COL18A1: variants seen among roughly 807,000 people sequenced by gnomAD.
COL18A1 encodes the protein collagen type XVIII alpha 1 chain.
COL18A1 carries 133 observed loss-of-function variants against 168.0 expected under a neutral mutation model. The observed-to-expected ratio is 0.79, with a 90% CI of 0.69 to 0.91. COL18A1 has a LOEUF of 0.91. Among genes scored for constraint, COL18A1 ranks in the 40% least tolerant of loss-of-function variants. The pLI is 0.00. For synonymous variants in COL18A1, 949 were observed against 809.0 expected (o/e 1.17, Z -2.94); for missense variants, 2,126 against 1,925.4 (o/e 1.10, Z -1.95).
intron 15 of COL18A1, among the ~76,000 whole-genome samples, chr21:45,484,872 T>C (rs1263679255): frequency 6.6e-6 from 1 of 152,124 alleles, no homozygotes; most frequent in Non-Finnish European, 1.5e-5. Context: ...TAGATATGCA[T>C]GTATGAAAAT....
At position 45,498,195 on chromosome 21, in the gene COL18A1, C is replaced by T. The variant is rs73907541; in HGVS notation, c.2683+534C>T. 524 of 698,082 alleles carry T rather than the reference C, an allele frequency of 7.5e-4. 3 individuals carry two copies. The African/African-American group carries it at 8.2e-3, about 11-fold the overall frequency. The allele number at this position is 698,082 out of a possible 1,614,324, so 43.2% of individuals were successfully genotyped here. On this transcript the variant is annotated intron_variant, in intron 32 of 41. Coordinates refer to ENST00000651438, the MANE Select transcript of COL18A1 (RefSeq NM_001379500.1). This position sits in a 1 kb window ranked among gnomAD's most constrained non-coding sequence, Gnocchi z 4.5. The stretch of plus-strand genomic sequence containing the variant: ...GTCCTGCCAAGACCACTGAGAACAG[C>T]TGGATAAAATGTGAGAAAACCACTG...
Position 45,490,366 on chromosome 21 carries a change from C to A in COL18A1, c.2031+20C>A, listed in dbSNP as rs1249463314. 5.1e-6 allele frequency: 8 copies of A among 1,557,454 alleles called. No individual in the cohort carries two copies. Among genetic ancestry groups the A allele is most frequent in the East Asian group, 4.7e-5 (2 of 42,108 alleles). On this transcript the variant is annotated intron_variant, in intron 20 of 41. Transcript: ENST00000651438. ...CCCCAGGTGAGTTGCCTTGGTGGGC[C>A]CAGGGTGCAGGGGGGGCGTGGAGCC... is the stretch of plus-strand genomic sequence containing the variant.
At chr21:45,466,502 TGAGCTCTC>T (rs2035219179) in intron 2 of COL18A1, among the ~76,000 whole-genome samples, 1 of 151,896 alleles carries the variant, frequency 6.6e-6, no homozygotes, top group African/African-American at 2.4e-5. Flanking sequence ...CCGGGAAGGC[TGAGCTCTC>T]GAAATGGGGT....
rs543057184 is a variant in COL18A1, at chr21:45,503,693, G to A, written c.2684-318G>A. Among the ~76,000 whole-genome samples the A allele has an allele frequency of 4.4e-4, 66 of 150,802 alleles. No individual in the cohort carries two copies. In the East Asian group the frequency reaches 6.5e-3, roughly 15 times the overall value. ...GGAGATATACCTAATGCTAGATGACGAGTTAGTGGGTGCAGCACACCAGCA... is the reference window on the plus strand; with the variant it reads ...GGAGATATACCTAATGCTAGATGACAAGTTAGTGGGTGCAGCACACCAGCA... On this transcript the variant is annotated intron_variant, in intron 32 of 41. Transcript: ENST00000651438.
intron 4 of COL18A1, 83 bp from the exon 5 acceptor site, chr21:45,475,393 C>T (rs1461526879): frequency 3.1e-5 from 39 of 1,250,212 alleles, no homozygotes; most frequent in Non-Finnish European, 4.1e-5. Flanking sequence ...GCGAGAGCAG[C>T]GTCCTTTGCT....
At chr21:45,493,417 C>T in intron 25 of COL18A1, 84 bp from the exon 26 acceptor site, 6 of 1,384,916 alleles carry the variant, frequency 4.3e-6, no homozygotes, top group Non-Finnish European at 6.0e-6. Flanking sequence ...GGCCCAGTCA[C>T]AGCGGCCCTG....
Position 45,468,713 on chromosome 21 carries a change from G to A in COL18A1, c.578G>A (p.Arg193Gln), listed in dbSNP as rs2236453. ...AGAATGCCGCTTGCTCGGTCCTCAC[G>A]GGGCCTGGAGCTGGAGCCTGGCGCC... is the stretch of plus-strand genomic sequence containing the variant. Reference protein sequence around the residue: ...FQRMPLARSSRGLELEPGAGL... With the variant: ...FQRMPLARSSQGLELEPGAGL... The change falls in exon 3 of 42, where the codon CGG becomes CAG. Residue 193 changes from arginine (R) to glutamine (Q), a missense_variant. Transcript: ENST00000651438. 3.4e-4 allele frequency: 552 copies of A among 1,612,636 alleles called. 5 individuals are homozygous for A. In the East Asian group the frequency reaches 0.011, roughly 33 times the overall value.
intron 38 of COL18A1, 118 bp downstream of exon 38, chr21:45,507,711 C>A: frequency 1.0e-6 from 1 of 957,494 alleles, no homozygotes; most frequent in Non-Finnish European, 1.7e-6. Context: ...GAACATGTGG[C>A]TCACCATCAG....
intron 14 of COL18A1, chr21:45,482,506 G>A: frequency 1.7e-6 from 1 of 593,524 alleles, no homozygotes; most frequent in South Asian, 1.9e-5. Flanking sequence ...TAAGCCTGTG[G>A]CTGAGCTGAA....
chr21:45,450,739 C>T (rs2034602584), intron 2 of COL18A1, among the ~76,000 whole-genome samples: 1 of 152,142 alleles, frequency 6.6e-6, no homozygotes, highest in African/African-American at 2.4e-5. Flanking sequence ...GGTGGGTGGT[C>T]TCCCTCGTCC....
chr21:45,443,118 G>T lies in COL18A1; in HGVS notation c.107-25124G>T, dbSNP rs1359695794. ...TGTGGGCGGCGGTGCTGGTGTGGGC[G>T]GCGGTGCTGGTGTGGGCGGCGGTGC... is the stretch of plus-strand genomic sequence containing the variant. On this transcript the variant is annotated intron_variant, in intron 2 of 41. Coordinates refer to ENST00000651438, the MANE Select transcript of COL18A1 (RefSeq NM_001379500.1). This position sits in a 1 kb window ranked among gnomAD's most constrained non-coding sequence, Gnocchi z 5.2. 1.6e-3 allele frequency among the ~76,000 whole-genome samples: 153 copies of T among 93,986 alleles called. 2 individuals are homozygous for T. Among genetic ancestry groups the T allele is most frequent in the African/African-American group, 5.8e-3 (149 of 25,766 alleles). The allele number at this position is 93,986 out of a possible 152,430, so 61.7% of individuals were successfully genotyped here.
In COL18A1 at chr21:45,512,439, C is replaced by G; in HGVS notation, c.*41C>G. On this transcript the variant is annotated 3_prime_UTR_variant, in exon 42 of 42. Transcript: ENST00000651438. ...GGATGGCCGGAGAGGACCGGCGGCT[C>G]GGAGGAAGCCCCCACCGTGGGCAGG... The G allele has an allele frequency of 6.3e-7, 1 of 1,584,030 alleles. No individual in the cohort carries two copies. Among genetic ancestry groups the G allele is most frequent in the Non-Finnish European group, 8.6e-7 (1 of 1,165,316 alleles).
Position 45,495,372 on chromosome 21 carries a change from G to A in COL18A1, c.2448G>A (p.Met816Ile), listed in dbSNP as rs1357706236. The A allele has an allele frequency of 1.2e-6, 2 of 1,610,690 alleles. No homozygotes were observed. The highest frequency in any genetic ancestry group is 3.3e-5 in the Admixed American group (2 of 59,744). Residue 816 changes from methionine (M) to isoleucine (I), a missense_variant, in exon 29 of 42, where the codon ATG (methionine) becomes ATA (isoleucine). Transcript: ENST00000651438. ...CTCCGCCCCAGGGTCGCCCCGGGATGAACGGATTGAAAGGAGAGAAAGGGG... is the reference window on the plus strand; with the variant it reads ...CTCCGCCCCAGGGTCGCCCCGGGATAAACGGATTGAAAGGAGAGAAAGGGG... ...GFPGRPGRPGMNGLKGEKGEP... is the reference protein window; with the variant it reads ...GFPGRPGRPGINGLKGEKGEP...
chr21:45,467,498 C>T (rs2035255018), intron 2 of COL18A1: 1 of 939,424 alleles, frequency 1.1e-6, no homozygotes, highest in Non-Finnish European at 1.3e-6. Flanking sequence ...TGGGGAGATA[C>T]AGCTTGTCCT....
Position 45,447,202 on chromosome 21 carries a change from TATATATATCATATATC to T in COL18A1, c.107-21019_107-21004del, listed in dbSNP as rs938304573. On this transcript the variant is annotated intron_variant, in intron 2 of 41. Transcript: ENST00000651438. ...ATTTTTAGAGGCCAGATCTTATATATATATATATCATATATCATATATATCATATATCATATGTATA... is the reference window on the plus strand; with the variant it reads ...ATTTTTAGAGGCCAGATCTTATATATATATATATCATATATCATATGTATA... Among the ~76,000 whole-genome samples, 112 of 151,192 alleles carry T rather than the reference TATATATATCATATATC, an allele frequency of 7.4e-4. 1 individual carries two copies. Among genetic ancestry groups the T allele is most frequent in the Non-Finnish European group, 1.2e-3 (79 of 67,850 alleles).
rs1009058257 is a variant in COL18A1, at chr21:45,491,822, G to A, written c.2157+508G>A. On this transcript the variant is annotated intron_variant, in intron 22 of 41. Transcript: ENST00000651438. ...GCCTCACAGAGGCAGACGCATCTCC[G>A]CCCAGCCACATGGAACACAGGGACC... is the stretch of plus-strand genomic sequence containing the variant. 7.9e-5 allele frequency among the ~76,000 whole-genome samples: 12 copies of A among 152,300 alleles called. No individual in the cohort carries two copies. The East Asian group carries it at 1.5e-3, about 20-fold the overall frequency.
intron 31 of COL18A1, 96 bp downstream of exon 31, chr21:45,497,188 C>A: frequency 1.2e-6 from 1 of 857,286 alleles, no homozygotes. Flanking sequence ...GAGACTCCCC[C>A]AGTGGCCCAA....
chr21:45,486,830 G>A (rs1276337704), intron 15 of COL18A1, 31 bp from the exon 16 acceptor site: 2 of 1,527,584 alleles, frequency 1.3e-6, no homozygotes, highest in South Asian at 1.2e-5. Flanking sequence ...GGCTGGGCTG[G>A]GTCCTGACAC....
rs756824954 is a variant in COL18A1, at chr21:45,489,506, G to T, written c.1944G>T (p.Gly648=). ...CTTAGGGGGATCCTGGCGTGCCTGG[G>T]CTGCCGGGGGCGAAGGTAAGCGCTG... ...PGLKGDPGVP[G]LPGAKGEVGA... is the part of the protein sequence containing the mutation. Residue 648 remains glycine (G), a synonymous_variant, in exon 19 of 42, where the codon GGG becomes GGT. Transcript: ENST00000651438. The T allele has an allele frequency of 3.1e-6, 5 of 1,603,122 alleles. No individual in the cohort carries two copies. The African/African-American group carries it at 6.7e-5, about 21-fold the overall frequency.
Sources: allele counts gnomAD v4.1 joint callset (sites outside exome capture counted in the v4.1 genomes callset), GRCh38; gene constraint gnomAD v4.1.1; non-coding constraint Gnocchi (gnomAD v3.1); transcripts MANE v1.5; gene names NCBI Gene and HGNC (gene_info 2026-07-23, HGNC 2026-07-21).